The following SYTL5 variants were observed in gnomAD, a reference collection of about 807,000 sequenced individuals.
SYTL5 encodes the protein synaptotagmin-like protein 5.
SYTL5 carries 34 observed loss-of-function variants against 55.9 expected under a neutral mutation model. The ratio of observed to expected loss-of-function variants is 0.61; its 90% CI spans 0.46 to 0.81. The LOEUF (loss-of-function observed/expected upper bound fraction) is 0.81, where lower values mean the gene tolerates loss of function less well. SYTL5 is among the 30% of genes least tolerant of loss of function. The pLI is 0.00. For synonymous variants in SYTL5, 221 were observed against 188.7 expected (o/e 1.17, Z -1.40); for missense variants, 637 against 546.7 (o/e 1.17, Z -1.65).
intron 3 of SYTL5, among the ~76,000 whole-genome samples, chrX:38,055,997 T>G (rs1935767750): frequency 9.0e-6 from 1 of 111,649 alleles, no homozygotes; most frequent in Admixed American, 9.5e-5. Flanking sequence ...TATTTTTAAA[T>G]GTAAAATTAA....
At chrX:38,022,021 A>G (rs1359623793) in intron 1 of SYTL5, among the ~76,000 whole-genome samples, 1 of 112,788 alleles carries the variant, frequency 8.9e-6, no homozygotes, top group Non-Finnish European at 1.9e-5. Flanking sequence ...TTTGCAAAAT[A>G]CAATTTAAGT....
At chrX:38,036,469 C>A (rs1935110576) in intron 2 of SYTL5, among the ~76,000 whole-genome samples, 2 of 111,660 alleles carry the variant, frequency 1.8e-5, no homozygotes, top group African/African-American at 6.5e-5. Flanking sequence ...GGTTTCCTGG[C>A]TCTTCAAACT....
intron 2 of SYTL5, among the ~76,000 whole-genome samples, chrX:38,035,325 G>T (rs768304581): frequency 9.8e-5 from 11 of 112,524 alleles, no homozygotes; most frequent in African/African-American, 3.5e-4. Context: ...AAAAAATTAT[G>T]TTGTTTATAG....
At chrX:38,016,858 A>G (rs1006727321) in intron 1 of SYTL5, among the ~76,000 whole-genome samples, 3 of 111,999 alleles carry the variant, frequency 2.7e-5, no homozygotes, top group African/African-American at 9.7e-5. Context: ...CTTATTTTCC[A>G]ACACTAACTC....
At chrX:38,066,042 A>G (rs762149905) in intron 3 of SYTL5, among the ~76,000 whole-genome samples, 1 of 111,033 alleles carries the variant, frequency 9.0e-6, no homozygotes, top group Admixed American at 9.6e-5. Flanking sequence ...GGAGGTTGCA[A>G]TGAGCTGAGA....
At chrX:38,014,393 C>G (rs1396371491) in intron 1 of SYTL5, among the ~76,000 whole-genome samples, 3 of 112,359 alleles carry the variant, frequency 2.7e-5, no homozygotes, top group African/African-American at 9.7e-5. Context: ...CTCCCTCTGC[C>G]TTGGTTTTCC....
chrX:38,010,768 ATTTTTACTAATACAC>A (rs1444460776), intron 1 of SYTL5, among the ~76,000 whole-genome samples: 1 of 111,611 alleles, frequency 9.0e-6, no homozygotes, highest in Non-Finnish European at 1.9e-5. Context: ...CAAAGTGTGT[ATTTTTACTAATACAC>A]TTGGAGATTA....
In SYTL5 at chrX:38,108,614, A is replaced by ATCT. The variant is rs1340947582; in HGVS notation, c.1355_1357dup (p.Leu452dup). 5 of 1,188,172 alleles carry ATCT rather than the reference A, an allele frequency of 4.2e-6. No homozygotes were observed. In the Admixed American group the frequency reaches 1.1e-4, roughly 26 times the overall value. ...CTTATCTATAGTTATGTCAAGTCAT[A>ATCT]TCTTCTTCCTGACAAGTCCCGGAAC... On this transcript the variant is annotated inframe_insertion, in exon 12 of 17. Transcript: ENST00000297875.
the SYTL5 span, among the ~76,000 whole-genome samples, chrX:37,929,611 A>G: frequency 2.9e-4 from 32 of 111,854 alleles, no homozygotes; most frequent in African/African-American, 9.1e-4. Context: ...GGCAGTTACA[A>G]AATGGATAGG....
chrX:37,894,244 G>A, the SYTL5 span, among the ~76,000 whole-genome samples: 14 of 111,622 alleles, frequency 1.3e-4, no homozygotes, highest in Admixed American at 1.9e-4. Context: ...TATAATTAAA[G>A]CATCTGTGAT....
chrX:37,903,019 A>G, the SYTL5 span, among the ~76,000 whole-genome samples: 1 of 112,034 alleles, frequency 8.9e-6, no homozygotes, highest in African/African-American at 3.3e-5. Flanking sequence ...CACATCAGTT[A>G]GAATGGCAAT....
At chrX:37,895,497 T>C in the SYTL5 span, among the ~76,000 whole-genome samples, 22 of 87,154 alleles carry the variant, frequency 2.5e-4, no homozygotes, top group Non-Finnish European at 2.2e-4. Context: ...TTTTTCTTTC[T>C]TTCTTTCTTT....
At chrX:37,935,161 AAGG>A in the SYTL5 span, among the ~76,000 whole-genome samples, 9 of 112,165 alleles carry the variant, frequency 8.0e-5, no homozygotes, top group African/African-American at 2.9e-4. Flanking sequence ...ATCACAAACC[AAGG>A]AGGACAGAAG....
chrX:37,945,056 TA>T, the SYTL5 span, among the ~76,000 whole-genome samples: 1 of 113,175 alleles, frequency 8.8e-6, no homozygotes, highest in East Asian at 2.8e-4. Flanking sequence ...ATTGTTTCAA[TA>T]AATTGTACTG....
At chrX:38,050,127 C>T (rs1178112341) in intron 2 of SYTL5, among the ~76,000 whole-genome samples, 1 of 111,781 alleles carries the variant, frequency 8.9e-6, no homozygotes, top group Non-Finnish European at 1.9e-5. Flanking sequence ...ATTAAAGATA[C>T]TTTATAAACT....
At chrX:38,102,010 T>C (rs1937099143) in intron 9 of SYTL5, among the ~76,000 whole-genome samples, 1 of 109,532 alleles carries the variant, frequency 9.1e-6, no homozygotes, top group Admixed American at 9.7e-5. Context: ...TTTTTTAATT[T>C]TAAAGTAACG....
intron 1 of SYTL5, among the ~76,000 whole-genome samples, chrX:38,008,728 AC>A (rs1934076839): frequency 8.9e-6 from 1 of 112,260 alleles, no homozygotes; most frequent in Non-Finnish European, 1.9e-5. Flanking sequence ...TTCCCCTATG[AC>A]ATAAAATCAA....
At chrX:38,108,839 T>TA (rs773408906) in intron 12 of SYTL5, 140 bp downstream of exon 12, 2 of 419,064 alleles carry the variant, frequency 4.8e-6, no homozygotes, top group East Asian at 8.1e-5. Flanking sequence ...TAAATTAACA[T>TA]AATAACCTTG....
At chrX:37,953,886 G>A in the SYTL5 span, among the ~76,000 whole-genome samples, 2 of 111,208 alleles carry the variant, frequency 1.8e-5, no homozygotes, top group Admixed American at 9.6e-5. Flanking sequence ...TAAATATGAA[G>A]AAGAGACAAA....
Sources: gnomAD v4.1 joint callset for allele counts (sites outside exome capture counted in the v4.1 genomes callset) on GRCh38, gnomAD v4.1.1 for gene constraint, MANE v1.5 for transcripts, NCBI Gene and HGNC (gene_info 2026-07-23, HGNC 2026-07-21) for gene names.